Variants in CKAP2 observed in about 807,000 individuals in gnomAD.
CKAP2 encodes cytoskeleton associated protein 2.
In CKAP2, 46 loss-of-function variants were observed where a neutral mutation model predicts 58.4. That is an observed-to-expected ratio of 0.79 (90% confidence interval 0.62 to 1.01). CKAP2 has a LOEUF of 1.01. Ranked by LOEUF, CKAP2 falls within the 50% of genes least tolerant of loss-of-function variation. CKAP2 has a pLI of 0.00. For synonymous variants in CKAP2, 293 were observed against 280.9 expected (o/e 1.04, Z -0.43); for missense variants, 809 against 796.4 (o/e 1.02, Z -0.19).
In CKAP2 at chr13:52,475,900, T is replaced by C. The variant is rs556466737; in HGVS notation, c.*759T>C. On this transcript the variant is annotated 3_prime_UTR_variant, in exon 9 of 9. Coordinates refer to ENST00000258607, the MANE Select transcript of CKAP2 (RefSeq NM_018204.5). The stretch of plus-strand genomic sequence containing the variant: ...GTTTAACTTTTGTAACTTCACTTGA[T>C]AGTTTTTAAGCAATTAGAATGGAGT... 3.3e-5 allele frequency: 5 copies of C among 152,382 alleles called. No individual in the cohort carries two copies. The highest frequency in any genetic ancestry group is 1.2e-4 in the African/African-American group (5 of 41,592). 9.4% of individuals were successfully genotyped at this position (152,382 alleles called of 1,614,324 possible).
intron 1 of CKAP2, 32 bp downstream of exon 1, chr13:52,455,658 TGGC>T (rs765240786): frequency 1.6e-5 from 8 of 510,230 alleles, no homozygotes; most frequent in Admixed American, 5.2e-5. Context: ...GCGGTGGCGG[TGGC>T]GGTGGCGGTG....
At position 52,475,487 on chromosome 13, in the gene CKAP2, G is replaced by A. The variant is rs544452217; in HGVS notation, c.*346G>A. ...TAATGATGCATAATTAGAAAATGAG[G>A]TATTCTAGGTAAAATGTATGTTTGC... On this transcript the variant is annotated 3_prime_UTR_variant, in exon 9 of 9. Transcript: ENST00000258607. 8.0e-4 allele frequency: 139 copies of A among 174,024 alleles called. 7 individuals carry two copies. The South Asian group carries it at 0.025, about 31-fold the overall frequency. 10.8% of individuals were successfully genotyped at this position (174,024 alleles called of 1,614,324 possible). A position where few individuals can be genotyped will look rare whatever the true frequency, so the allele number is the denominator to read the frequency against.
Position 52,475,094 on chromosome 13 carries a change from C to T in CKAP2, c.2002C>T (p.Pro668Ser), listed in dbSNP as rs1958810529. 6.2e-7 allele frequency: 1 copy of T among 1,614,000 alleles called. No homozygotes were observed. The highest frequency in any genetic ancestry group is 8.5e-7 in the Non-Finnish European group (1 of 1,180,012). Residue 668 changes from proline (P) to serine (S), a missense_variant, in exon 9 of 9, where the codon CCT (proline) becomes TCT (serine). Pro to Ser is a moderately conservative substitution (Grantham distance 74). Coordinates refer to ENST00000258607, the MANE Select transcript of CKAP2 (RefSeq NM_018204.5). ...GRETDAFVCR[P>S]NAALCRVYYE... ...AGAAACTGATGCTTTTGTATGCCGC[C>T]CTAATGCAGCACTGTGCCGGGTGTA... is the stretch of plus-strand genomic sequence containing the variant.
intron 2 of CKAP2, among the ~76,000 whole-genome samples, chr13:52,458,110 A>T (rs965779111): frequency 7.2e-5 from 11 of 152,240 alleles, no homozygotes; most frequent in Non-Finnish European, 1.3e-4. Context: ...TTTATCCTTC[A>T]CAAATAAATC....
intron 8 of CKAP2, 67 bp downstream of exon 8, chr13:52,474,151 A>G: frequency 6.9e-7 from 1 of 1,442,370 alleles, no homozygotes; most frequent in Non-Finnish European, 9.5e-7. Context: ...GCATTTAAAA[A>G]TCTTTGAGAT....
At chr13:52,464,553 C>CAAAAAAA (rs66481844) in intron 5 of CKAP2, among the ~76,000 whole-genome samples, 2 of 80,130 alleles carry the variant, frequency 2.5e-5, no homozygotes, top group African/African-American at 5.5e-5. Context: ...AACTCCGTCT[C>CAAAAAAA]AAAAAAAAAA....
In CKAP2 at chr13:52,463,353, CT is replaced by C. The variant is rs558655887; in HGVS notation, c.1305+789del. Among the ~76,000 whole-genome samples the C allele has an allele frequency of 6.2e-3, 945 of 152,318 alleles. 8 individuals are homozygous for C. The highest frequency in any genetic ancestry group is 9.7e-3 in the Non-Finnish European group (660 of 68,024). ...GAACCATTAGAAAGCAAAGGTGTCA[CT>C]TTGTCAGCCACCCATGGGACAGTCT... On this transcript the variant is annotated intron_variant, in intron 5 of 8. Transcript: ENST00000258607.
chr13:52,458,340 A>G (rs925572242), intron 2 of CKAP2, among the ~76,000 whole-genome samples: 2 of 152,160 alleles, frequency 1.3e-5, no homozygotes. Context: ...GGCTGGAAGC[A>G]TAAACTCAGG....
Position 52,455,811 on chromosome 13 carries a change from A to T in CKAP2, c.70+185A>T, listed in dbSNP as rs543959409. Reference sequence around the variant, plus strand: ...TTGTGGAACGGATCATAAAAACAGGAACCGCTGCGTGGTGTTACTGTGCGG... The same window carrying T: ...TTGTGGAACGGATCATAAAAACAGGTACCGCTGCGTGGTGTTACTGTGCGG... On this transcript the variant is annotated intron_variant, in intron 1 of 8. Transcript: ENST00000258607. Among the ~76,000 whole-genome samples, 3 of 152,296 alleles carry T rather than the reference A, an allele frequency of 2.0e-5. No individual in the cohort carries two copies. The East Asian group carries it at 5.8e-4, about 29-fold the overall frequency.
intron 5 of CKAP2, among the ~76,000 whole-genome samples, chr13:52,463,543 T>C (rs1958616408): frequency 6.6e-6 from 1 of 152,220 alleles, no homozygotes; most frequent in African/African-American, 2.4e-5. Flanking sequence ...AGTAGCATCA[T>C]CAGAACGCCT....
chr13:52,460,865 T>G, intron 2 of CKAP2, 34 bp from the exon 3 acceptor site: 1 of 1,590,424 alleles, frequency 6.3e-7, no homozygotes, highest in East Asian at 2.3e-5. Flanking sequence ...GGTACAGGAT[T>G]GATTGATCAT....
chr13:52,464,408 C>T (rs558681431), intron 5 of CKAP2, among the ~76,000 whole-genome samples: 1 of 152,150 alleles, frequency 6.6e-6, no homozygotes, highest in Non-Finnish European at 1.5e-5. Flanking sequence ...CAAAAATTAG[C>T]TGGGCATGGA....
Position 52,462,401 on chromosome 13 carries a change from T to G in CKAP2, c.1139T>G (p.Val380Gly). ...LSEWKAGKGR[V>G]LKRPPNSVVT... ...GAGTGGAAAGCTGGCAAAGGAAGAG[T>G]GCTAAAAAGGCCCCCTAATTCAGTA... Residue 380 changes from valine to glycine, a missense_variant, in exon 5 of 9, where the codon GTG becomes GGG. By Grantham distance (109) the Val-to-Gly change is moderately radical. Coordinates refer to ENST00000258607, the MANE Select transcript of CKAP2 (RefSeq NM_018204.5). The G allele has an allele frequency of 1.2e-6, 2 of 1,613,964 alleles. No homozygotes were observed. The highest frequency in any genetic ancestry group is 1.7e-6 in the Non-Finnish European group (2 of 1,179,980).
At chr13:52,465,607 A>C (rs1209022034) in intron 6 of CKAP2, 142 bp downstream of exon 6, 2 of 724,178 alleles carry the variant, frequency 2.8e-6, no homozygotes, top group East Asian at 2.7e-5. Context: ...CAAGGATTGC[A>C]TTATAAAAGC....
chr13:52,472,087 T>C, intron 7 of CKAP2, among the ~76,000 whole-genome samples: 1 of 152,236 alleles, frequency 6.6e-6, no homozygotes, highest in Non-Finnish European at 1.5e-5. Flanking sequence ...TTTCTGCTTA[T>C]CCTTTAGACT....
intron 2 of CKAP2, among the ~76,000 whole-genome samples, chr13:52,458,987 T>C (rs952786031): frequency 2.2e-4 from 33 of 152,160 alleles, no homozygotes; most frequent in Non-Finnish European, 5.9e-5. Context: ...ATCTCTAAAG[T>C]ATAGATATCC....
rs1178372399 is a variant in CKAP2 at position 52,473,941 on chromosome 13, T to C, written c.1659T>C (p.His553=). Residue 553 remains histidine (H), a synonymous_variant, in exon 8 of 9, where the codon CAT becomes CAC. Transcript: ENST00000258607. ...AACTGGAAATGGAGAGTAAACTTCATAGAAATTTGCTATTTCAAGATTGTG... is the reference window on the plus strand; with the variant it reads ...AACTGGAAATGGAGAGTAAACTTCACAGAAATTTGCTATTTCAAGATTGTG... The part of the protein sequence containing the change: ...PEKLEMESKL[H]RNLLFQDCEK... 6.2e-7 allele frequency: 1 copy of C among 1,614,108 alleles called. No individual in the cohort carries two copies. Among genetic ancestry groups the C allele is most frequent in the South Asian group, 1.1e-5 (1 of 91,080 alleles).
intron 5 of CKAP2, 55 bp downstream of exon 5, chr13:52,462,622 C>T: frequency 7.5e-7 from 1 of 1,327,736 alleles, no homozygotes; most frequent in Non-Finnish European, 1.0e-6. Context: ...CCTTCATAAG[C>T]ATTATTTCAT....
rs1204550411 is a variant in CKAP2 at position 52,475,007 on chromosome 13, G to A, written c.1915G>A (p.Asp639Asn). 1 of 1,614,210 alleles carries A rather than the reference G, an allele frequency of 6.2e-7. No homozygotes were observed. The highest frequency in any genetic ancestry group is 1.7e-5 in the Admixed American group (1 of 60,026). Residue 639 changes from aspartate (D) to asparagine (N), a missense_variant, in exon 9 of 9, where the codon GAT becomes AAT. Transcript: ENST00000258607. Reference protein sequence around the residue: ...RLQEKTSKLPDMLKDHYPCVS... With the variant: ...RLQEKTSKLPNMLKDHYPCVS... ...TCAAGAGAAAACTTCTAAATTGCCA[G>A]ATATGTTAAAAGATCATTATCCTTG...
Sources: allele counts gnomAD v4.1 joint callset (sites outside exome capture counted in the v4.1 genomes callset), GRCh38; gene constraint gnomAD v4.1.1; transcripts MANE v1.5; gene names NCBI Gene and HGNC (gene_info 2026-07-23, HGNC 2026-07-21).